CPXM2: variants seen among roughly 807,000 people sequenced by gnomAD.
CPXM2 encodes inactive carboxypeptidase-like protein X2.
CPXM2 carries 66 observed loss-of-function variants against 86.1 expected under a neutral mutation model. That is an observed-to-expected ratio of 0.77 (90% CI 0.63 to 0.94). CPXM2 has a LOEUF of 0.94. Ranked by LOEUF, CPXM2 falls within the 40% of genes least tolerant of loss-of-function variation. The probability of loss-of-function intolerance (pLI) is 0.00; values close to 1 mark genes in which losing one functional copy is unlikely to be tolerated. For missense variants in CPXM2, 948 were observed against 1,026.3 expected, an observed-to-expected ratio of 0.92 and a Z score of 1.04; for synonymous variants, 388 against 400.2, an observed-to-expected ratio of 0.97 and a Z score of 0.36.
At position 123,891,673 on chromosome 10, in the gene CPXM2, C is replaced by G. The variant is rs1336178392; in HGVS notation, c.-14G>C. 1 of 1,371,906 alleles carries G rather than the reference C, an allele frequency of 7.3e-7. No homozygotes were observed. Among genetic ancestry groups the G allele is most frequent in the Admixed American group, 3.8e-5 (1 of 26,084 alleles). The allele number at this position is 1,371,906 out of a possible 1,614,324, so 85.0% of individuals were successfully genotyped here. On this transcript the variant is annotated 5_prime_UTR_variant, in exon 1 of 14. Transcript: ENST00000241305. This position sits in a 1 kb window ranked among gnomAD's most constrained non-coding sequence, Gnocchi z 5.6. ...CGGGCGGGACATGCCTGCTCCGCCCCGCGCCCAGGGCAGGGTCACGGTCAC... is the reference window on the plus strand; with the variant it reads ...CGGGCGGGACATGCCTGCTCCGCCCGGCGCCCAGGGCAGGGTCACGGTCAC...
intron 4 of CPXM2, among the ~76,000 whole-genome samples, chr10:123,818,898 G>T (rs946502229): frequency 6.6e-5 from 10 of 152,082 alleles, no homozygotes; most frequent in Admixed American, 1.3e-4. Context: ...GGAATCAAGG[G>T]GTGGAAGTGG....
intron 4 of CPXM2, among the ~76,000 whole-genome samples, 172 bp from the exon 5 acceptor site, chr10:123,799,371 C>G (rs1246082841): frequency 6.6e-6 from 1 of 152,232 alleles, no homozygotes; most frequent in African/African-American, 2.4e-5. Flanking sequence ...ACTGACCCAT[C>G]TATGCCACTA....
chr10:123,766,873 C>A, intron 10 of CPXM2, 100 bp downstream of exon 10: 2 of 954,210 alleles, frequency 2.1e-6, no homozygotes, highest in Non-Finnish European at 1.6e-6. Flanking sequence ...AAGAAAAAAA[C>A]AGTTTTGTCT....
At chr10:123,768,751 G>A in intron 8 of CPXM2, 29 bp from the exon 9 acceptor site, 1 of 1,596,564 alleles carries the variant, frequency 6.3e-7, no homozygotes, top group Non-Finnish European at 8.5e-7. Flanking sequence ...AGAAGCACAG[G>A]TTCACGTTGA....
chr10:123,827,136 AAACATC>A (rs753584054), intron 4 of CPXM2, among the ~76,000 whole-genome samples: 1 of 152,244 alleles, frequency 6.6e-6, no homozygotes, highest in Non-Finnish European at 1.5e-5. Flanking sequence ...GAAACTTCCA[AAACATC>A]AAGAAATTAG....
intron 4 of CPXM2, among the ~76,000 whole-genome samples, chr10:123,819,126 TAC>T (rs1365596494): frequency 6.6e-6 from 1 of 152,184 alleles, no homozygotes; most frequent in Non-Finnish European, 1.5e-5. Flanking sequence ...AGAAGGGAGT[TAC>T]AGTGTTGGCT....
intron 4 of CPXM2, among the ~76,000 whole-genome samples, chr10:123,814,075 G>A (rs961695647): frequency 3.9e-5 from 6 of 152,218 alleles, no homozygotes; most frequent in Non-Finnish European, 8.8e-5. Flanking sequence ...AGACTAAGTG[G>A]TAGCTGCAGT....
intron 4 of CPXM2, among the ~76,000 whole-genome samples, chr10:123,802,456 T>G (rs12218446): frequency 0.21 from 31,490 of 152,148 alleles, 3,951 homozygotes; most frequent in East Asian, 0.43. Flanking sequence ...CTTTGATAAT[T>G]CTTATCGTTG....
At chr10:123,790,191 G>T (rs1234216869) in intron 6 of CPXM2, among the ~76,000 whole-genome samples, 1 of 152,162 alleles carries the variant, frequency 6.6e-6, no homozygotes, top group Non-Finnish European at 1.5e-5. Context: ...GGTGGTTACA[G>T]AACAGGTGAC....
At chr10:123,826,973 G>C (rs1473973643) in intron 4 of CPXM2, among the ~76,000 whole-genome samples, 1 of 152,146 alleles carries the variant, frequency 6.6e-6, no homozygotes, top group Non-Finnish European at 1.5e-5. Flanking sequence ...AGACTGTAAT[G>C]GGTCATTAGT....
intron 1 of CPXM2, among the ~76,000 whole-genome samples, chr10:123,880,931 T>C (rs1290366587): frequency 8.1e-6 from 1 of 124,030 alleles, no homozygotes; most frequent in African/African-American, 3.5e-5. Flanking sequence ...GAACTGGAAG[T>C]GGAGCCTCAG....
chr10:123,873,500 T>C (rs1385357149), intron 2 of CPXM2, among the ~76,000 whole-genome samples: 4 of 152,236 alleles, frequency 2.6e-5, no homozygotes, highest in South Asian at 2.1e-4. Context: ...CTTGACATCA[T>C]GTAGAACTTG....
chr10:123,897,316 T>G (rs1318661008), intron 2 of CPXM2, among the ~76,000 whole-genome samples: 44 of 152,294 alleles, frequency 2.9e-4, no homozygotes. Context: ...GGTCTCTGAC[T>G]GATATCATCC....
At chr10:123,839,656 A>G (rs542312579) in intron 4 of CPXM2, among the ~76,000 whole-genome samples, 1 of 152,304 alleles carries the variant, frequency 6.6e-6, no homozygotes, top group South Asian at 2.1e-4. Context: ...GGTCATGGCA[A>G]GAGAGAAAGG....
chr10:123,925,226 G>T (rs1313993248), intron 2 of CPXM2, among the ~76,000 whole-genome samples: 1 of 152,156 alleles, frequency 6.6e-6, no homozygotes, highest in Non-Finnish European at 1.5e-5. Context: ...TTCTAGCAGG[G>T]AGAAGTTCAG....
In CPXM2 at chr10:123,746,792, C is replaced by CGCA. The variant is rs757114264; in HGVS notation, c.2240_2242dup (p.Leu747dup). 79 of 1,614,100 alleles carry CGCA rather than the reference C, an allele frequency of 4.9e-5. No homozygotes were observed. Among genetic ancestry groups the CGCA allele is most frequent in the Non-Finnish European group, 6.4e-5 (76 of 1,180,044 alleles). ...CCCACGCTGTCGTCTCTTCTGCCCC[C>CGCA]GCAGCTTCAGCCGCCTGGCTGGCAG... is the stretch of plus-strand genomic sequence containing the variant. On this transcript the variant is annotated inframe_insertion, in exon 14 of 14. Transcript: ENST00000241305.
intron 13 of CPXM2, chr10:123,751,987 G>C: frequency 1.0e-6 from 1 of 985,406 alleles, no homozygotes; most frequent in South Asian, 4.7e-5. Context: ...TGAGGCCCCA[G>C]GGTCTTTTTA....
chr10:123,780,882 G>C (rs985135746), intron 6 of CPXM2, among the ~76,000 whole-genome samples: 2 of 152,144 alleles, frequency 1.3e-5, no homozygotes, highest in African/African-American at 4.8e-5. Flanking sequence ...CACTGTAATT[G>C]ATCCAGATTG....
At chr10:123,908,394 G>A (rs907026764) in intron 2 of CPXM2, among the ~76,000 whole-genome samples, 1 of 152,188 alleles carries the variant, frequency 6.6e-6, no homozygotes, top group African/African-American at 2.4e-5. Context: ...CCTGTTTGCA[G>A]ATAAGCCAGA....
Sources: allele counts gnomAD v4.1 joint callset (sites outside exome capture counted in the v4.1 genomes callset), GRCh38; gene constraint gnomAD v4.1.1; non-coding constraint Gnocchi (gnomAD v3.1); transcripts MANE v1.5; gene names NCBI Gene and HGNC (gene_info 2026-07-23, HGNC 2026-07-21).